EGFR: variants seen among roughly 807,000 people sequenced by gnomAD.
EGFR encodes epidermal growth factor receptor.
A neutral mutation model predicts 143.0 loss-of-function variants in EGFR; 58 were observed. That is an observed-to-expected ratio of 0.41 (90% CI 0.33 to 0.50). EGFR has a LOEUF of 0.50. EGFR is among the 20% of genes least tolerant of loss of function. The pLI, the probability that EGFR is intolerant of heterozygous loss-of-function variation, is 0.39. For synonymous variants in EGFR, 613 were observed against 594.4 expected (o/e 1.03, Z -0.45); for missense variants, 1,307 against 1,579.0 (o/e 0.83, Z 2.92).
chr7:55,173,185 C>A (rs1786437325), intron 17 of EGFR, 61 bp downstream of exon 17: 6 of 1,595,082 alleles, frequency 3.8e-6, no homozygotes, highest in Non-Finnish European at 5.1e-6. Flanking sequence ...CAAGGGCCAG[C>A]CCCGAGAACG....
chr7:55,128,013 G>C (rs570594467), intron 1 of EGFR, among the ~76,000 whole-genome samples: 1 of 152,202 alleles, frequency 6.6e-6, no homozygotes, highest in African/African-American at 2.4e-5. Context: ...GTTGGCACAG[G>C]AACCAAAACA....
At chr7:55,050,746 C>T (rs533567046) in intron 1 of EGFR, among the ~76,000 whole-genome samples, 13 of 152,324 alleles carry the variant, frequency 8.5e-5, no homozygotes, top group East Asian at 3.9e-4. Flanking sequence ...CCTCTGTTCA[C>T]GCTCTCTCAT....
At chr7:55,109,424 C>T (rs1390349731) in intron 1 of EGFR, among the ~76,000 whole-genome samples, 1 of 152,158 alleles carries the variant, frequency 6.6e-6, no homozygotes, top group Non-Finnish European at 1.5e-5. Flanking sequence ...GCTGATTTGG[C>T]CCTTGAGGTG....
At chr7:55,112,969 A>G (rs899747858) in intron 1 of EGFR, among the ~76,000 whole-genome samples, 2 of 152,186 alleles carry the variant, frequency 1.3e-5, no homozygotes, top group African/African-American at 4.8e-5. Context: ...TCATCAAGGA[A>G]GATTAAATTA....
chr7:55,208,525 C>T lies in EGFR; in HGVS notation c.*2908C>T, dbSNP rs527767315. Reference sequence around the variant, plus strand: ...GCTGAGAGCTCACATTCATAGGTGCCGCCAGCCTTCGTGCATCTTCTTGCA... The same window carrying T: ...GCTGAGAGCTCACATTCATAGGTGCTGCCAGCCTTCGTGCATCTTCTTGCA... On this transcript the variant is annotated 3_prime_UTR_variant, in exon 28 of 28. Transcript: ENST00000275493. 1.3e-5 allele frequency: 2 copies of T among 152,334 alleles called. No individual in the cohort carries two copies. The highest frequency in any genetic ancestry group is 4.8e-5 in the African/African-American group (2 of 41,550). The allele number at this position is 152,334 out of a possible 1,614,324, so 9.4% of individuals were successfully genotyped here.
At chr7:55,086,962 C>T (rs1350286560) in intron 1 of EGFR, among the ~76,000 whole-genome samples, 1 of 152,164 alleles carries the variant, frequency 6.6e-6, no homozygotes, top group East Asian at 1.9e-4. Context: ...CTCTTTTCTG[C>T]AGGCAGGAAA....
At chr7:55,157,420 G>A (rs1343730445) in intron 10 of EGFR, among the ~76,000 whole-genome samples, 1 of 145,738 alleles carries the variant, frequency 6.9e-6, no homozygotes, top group African/African-American at 2.8e-5. Context: ...GCCACAGCCA[G>A]GGGGGCGGCG....
intron 27 of EGFR, chr7:55,202,953 GTA>G: frequency 5.2e-6 from 3 of 573,572 alleles, no homozygotes; most frequent in African/African-American, 1.9e-5. Context: ...GTGTGTGTGT[GTA>G]TGTGTGTGTT....
chr7:55,107,565 G>A (rs1383423415), intron 1 of EGFR, among the ~76,000 whole-genome samples: 1 of 152,216 alleles, frequency 6.6e-6, no homozygotes, highest in African/African-American at 2.4e-5. Context: ...TGAGACATCT[G>A]CACAGAGTTC....
At chr7:55,028,026 A>ATATATATG (rs1491096841) in intron 1 of EGFR, among the ~76,000 whole-genome samples, 22 of 105,714 alleles carry the variant, frequency 2.1e-4, no homozygotes, top group South Asian at 3.0e-4. Context: ...ATATATATAT[A>ATATATATG]CACACACACA....
intron 20 of EGFR, among the ~76,000 whole-genome samples, chr7:55,190,171 T>C (rs1300336594): frequency 1.3e-5 from 2 of 151,970 alleles, no homozygotes; most frequent in Non-Finnish European, 2.9e-5. Context: ...ACATAATACT[T>C]CCTAATCTGG....
At chr7:55,049,705 G>C (rs550427723) in intron 1 of EGFR, among the ~76,000 whole-genome samples, 1 of 152,208 alleles carries the variant, frequency 6.6e-6, no homozygotes, top group East Asian at 1.9e-4. Context: ...GCCAATGAGG[G>C]GCTGGCTGTG....
intron 27 of EGFR, among the ~76,000 whole-genome samples, chr7:55,203,699 G>A (rs993558001): frequency 8.9e-5 from 11 of 124,120 alleles, no homozygotes; most frequent in South Asian, 2.7e-4. Context: ...ACACATACAC[G>A]CACCACACAT....
intron 15 of EGFR, chr7:55,170,222 A>G: frequency 1.2e-6 from 2 of 1,610,742 alleles, no homozygotes; most frequent in Non-Finnish European, 8.5e-7. Context: ...GCAGAGATAG[A>G]AACTGTTAGG....
chr7:55,169,039 C>T (rs1786211247), intron 15 of EGFR, among the ~76,000 whole-genome samples: 1 of 152,262 alleles, frequency 6.6e-6, no homozygotes, highest in South Asian at 2.1e-4. Flanking sequence ...AAAAGCCCTA[C>T]CTTCCAACCG....
chr7:55,198,355 C>T (rs1023394806), intron 22 of EGFR, among the ~76,000 whole-genome samples: 2 of 152,156 alleles, frequency 1.3e-5, no homozygotes, highest in Non-Finnish European at 2.9e-5. Context: ...GAGCAGGTGA[C>T]TGAGTGTGTA....
intron 12 of EGFR, among the ~76,000 whole-genome samples, chr7:55,160,969 C>G (rs1386136894): frequency 6.6e-6 from 1 of 152,228 alleles, no homozygotes; most frequent in Non-Finnish European, 1.5e-5. Context: ...TCCATGGTGC[C>G]TAGCACACAG....
intron 20 of EGFR, 57 bp from the exon 21 acceptor site, chr7:55,191,662 T>C (rs2128964226): frequency 4.3e-6 from 7 of 1,609,710 alleles, no homozygotes; most frequent in Non-Finnish European, 1.7e-6. Flanking sequence ...TGAATTCGGA[T>C]GCAGAGCTTC....
At chr7:55,199,577 G>C (rs960964373) in intron 23 of EGFR, among the ~76,000 whole-genome samples, 5 of 152,232 alleles carry the variant, frequency 3.3e-5, no homozygotes, top group African/African-American at 1.2e-4. Flanking sequence ...CACGTGATTT[G>C]TCTAAGGTCA....
Sources: gnomAD v4.1 joint callset for allele counts (sites outside exome capture counted in the v4.1 genomes callset) on GRCh38, gnomAD v4.1.1 for gene constraint, MANE v1.5 for transcripts, NCBI Gene and HGNC (gene_info 2026-07-23, HGNC 2026-07-21) for gene names.